Variants in RAB11FIP3 observed in about 807,000 individuals in gnomAD.
RAB11FIP3 encodes rab11 family-interacting protein 3.
Under a neutral mutation model 77.8 loss-of-function variants are expected in RAB11FIP3, and 17 were observed. The ratio of observed to expected loss-of-function variants is 0.22; its 90% CI spans 0.15 to 0.33. RAB11FIP3 has a LOEUF of 0.33. RAB11FIP3 is among the 10% of genes least tolerant of loss of function. RAB11FIP3 has a pLI of 1.00. For synonymous variants in RAB11FIP3, 437 were observed against 448.2 expected, an observed-to-expected ratio of 0.98 and a Z score of 0.31; for missense variants, 1,005 against 1,011.2, an observed-to-expected ratio of 0.99 and a Z score of 0.08.
At position 482,742 on chromosome 16, in the gene RAB11FIP3, T is replaced by C; in HGVS notation, c.1115+6T>C. 6.3e-7 allele frequency: 1 copy of C among 1,590,170 alleles called. No individual in the cohort carries two copies. The highest frequency in any genetic ancestry group is 1.8e-5 in the Admixed American group (1 of 56,998). On this transcript the variant is annotated splice_donor_region_variant and intron_variant, in intron 4 of 13. Transcript: ENST00000262305. ...CTGCTGCTGCTCCCAGGCAGGTCTG[T>C]ACCCCGCCACGGGCCTCCTGGAGAG...
At chr16:480,013 A>T (rs939656413) in intron 3 of RAB11FIP3, among the ~76,000 whole-genome samples, 1 of 152,044 alleles carries the variant, frequency 6.6e-6, no homozygotes, top group African/African-American at 2.4e-5. Context: ...TCAGCCAGGC[A>T]CGGTGGCTCA....
intron 7 of RAB11FIP3, among the ~76,000 whole-genome samples, chr16:504,166 C>G (rs1246786696): frequency 2.6e-5 from 2 of 78,064 alleles, no homozygotes; most frequent in African/African-American, 1.4e-4. Flanking sequence ...CTCTTGCACT[C>G]CCATCTCCTC....
chr16:502,204 A>G (rs953249672), intron 6 of RAB11FIP3, among the ~76,000 whole-genome samples: 1 of 152,238 alleles, frequency 6.6e-6, no homozygotes, highest in Non-Finnish European at 1.5e-5. Context: ...GTACAGATTC[A>G]CCACAGCGAA....
chr16:444,516 C>T (rs1268126359), intron 1 of RAB11FIP3, among the ~76,000 whole-genome samples: 2 of 152,230 alleles, frequency 1.3e-5, no homozygotes, highest in Non-Finnish European at 2.9e-5. Context: ...GTCTCAGGCT[C>T]CTAATTTTAG....
At chr16:482,863 C>A in intron 4 of RAB11FIP3, 127 bp downstream of exon 4, 1 of 1,042,088 alleles carries the variant, frequency 9.6e-7, no homozygotes, top group Non-Finnish European at 1.4e-6. Context: ...GGGGGTGGGG[C>A]TTGGCCCTGC....
intron 1 of RAB11FIP3, among the ~76,000 whole-genome samples, chr16:433,436 C>T (rs1420037182): frequency 6.6e-6 from 1 of 151,750 alleles, no homozygotes; most frequent in African/African-American, 2.4e-5. Flanking sequence ...CTAGCTCCCA[C>T]ATAAGAGTAA....
At chr16:463,444 T>G (rs1331577155) in intron 2 of RAB11FIP3, among the ~76,000 whole-genome samples, 2 of 148,180 alleles carry the variant, frequency 1.3e-5, no homozygotes, top group Non-Finnish European at 3.0e-5. Context: ...TTTTTTTTTT[T>G]TTTTTTTTTT....
At chr16:488,486 G>A (rs2056206781) in intron 4 of RAB11FIP3, among the ~76,000 whole-genome samples, 1 of 151,926 alleles carries the variant, frequency 6.6e-6, no homozygotes, top group Non-Finnish European at 1.5e-5. Flanking sequence ...ACTGCTCACT[G>A]CAGCCTTGGC....
Position 518,956 on chromosome 16 carries a change from G to A in RAB11FIP3, c.1654G>A (p.Asp552Asn), listed in dbSNP as rs771611236. 1.9e-6 allele frequency: 3 copies of A among 1,613,728 alleles called. No individual in the cohort carries two copies. The Admixed American group carries it at 5.0e-5, about 27-fold the overall frequency. ...CTTGTGTCCCAGGCTACAGCAACTG[G>A]ACGAGGAGAACAGTGAACTCCGGTC... is the stretch of plus-strand genomic sequence containing the variant. ...ENLQTRLQQL[D>N]EENSELRSCT... Residue 552 changes from aspartate to asparagine, a missense_variant, in exon 10 of 14, where the codon GAC becomes AAC. Around this residue, in one of 4 missense-constraint regions of RAB11FIP3, gnomAD observed 433 missense variants for 436.1 expected, o/e 0.99. Transcript: ENST00000262305.
At chr16:511,661 A>C (rs1453632545) in intron 9 of RAB11FIP3, among the ~76,000 whole-genome samples, 60 of 58,326 alleles carry the variant, frequency 1.0e-3, no homozygotes, top group East Asian at 1.8e-3. Context: ...CACCCCAGAA[A>C]CTGCAGGCCA....
chr16:485,439 G>A (rs1222743986), intron 4 of RAB11FIP3, among the ~76,000 whole-genome samples: 1 of 152,150 alleles, frequency 6.6e-6, no homozygotes, highest in Admixed American at 6.5e-5. Flanking sequence ...TCAAGATGGA[G>A]TCTAGCTCTG....
intron 4 of RAB11FIP3, among the ~76,000 whole-genome samples, chr16:487,255 C>T (rs149288708): frequency 2.7e-4 from 41 of 152,150 alleles, no homozygotes; most frequent in Non-Finnish European, 8.8e-5. Flanking sequence ...CTCAGCCTCC[C>T]GAGTAGCTGG....
intron 5 of RAB11FIP3, chr16:491,103 C>G (rs1012331609): frequency 1.1e-5 from 14 of 1,280,140 alleles, no homozygotes; most frequent in African/African-American, 1.5e-5. Flanking sequence ...GGTCCTCATC[C>G]TCTCCTGAAC....
chr16:450,894 C>G (rs919980621), intron 1 of RAB11FIP3, among the ~76,000 whole-genome samples: 1 of 137,462 alleles, frequency 7.3e-6, no homozygotes, highest in Non-Finnish European at 1.6e-5. Context: ...GCCTGGGGCA[C>G]ACACCTGCTT....
Position 505,738 on chromosome 16 carries a change from A to C in RAB11FIP3, c.1499+111A>C. ...ACAGCAGGGGCTTGGCCACCCGTCC[A>C]TCCCCGTTGGAAGCCGGCTGAGGGG... On this transcript the variant is annotated intron_variant, in intron 8 of 13. Transcript: ENST00000262305. This position sits in a 1 kb window ranked among gnomAD's most constrained non-coding sequence, Gnocchi z 4.0. 1.0e-6 allele frequency: 1 copy of C among 956,578 alleles called. No individual in the cohort carries two copies. Among genetic ancestry groups the C allele is most frequent in the Non-Finnish European group, 1.5e-6 (1 of 655,830 alleles). The allele number at this position is 956,578 out of a possible 1,614,324, so 59.3% of individuals were successfully genotyped here.
At chr16:519,083 G>C (rs1277199328) in intron 10 of RAB11FIP3, 59 bp downstream of exon 10, 1 of 1,543,240 alleles carries the variant, frequency 6.5e-7, no homozygotes, top group Non-Finnish European at 8.9e-7. Flanking sequence ...CCTGCCTGTG[G>C]GGCAGCTGAG....
chr16:428,193 T>C (rs958656940), intron 1 of RAB11FIP3, among the ~76,000 whole-genome samples: 15 of 151,908 alleles, frequency 9.9e-5, no homozygotes, highest in African/African-American at 3.6e-4. Flanking sequence ...TGCAGACAGG[T>C]GCGTGCGGGG....
Position 432,602 on chromosome 16 carries a change from TTG to T in RAB11FIP3, c.714+5899_714+5900del, listed in dbSNP as rs1269521944. The stretch of plus-strand genomic sequence containing the variant: ...TTTTGACCTGGTTTTTTTTTTTTTT[TTG>T]TGTGTGTGTGTGTGTGACAGGGTCT... On this transcript the variant is annotated intron_variant, in intron 1 of 13. Coordinates refer to ENST00000262305, the MANE Select transcript of RAB11FIP3 (RefSeq NM_014700.4). 2.6e-3 allele frequency among the ~76,000 whole-genome samples: 368 copies of T among 143,892 alleles called. 35 individuals carry two copies. The highest frequency in any genetic ancestry group is 0.011 in the Middle Eastern group (3 of 280). 94.4% of individuals were successfully genotyped at this position (143,892 alleles called of 152,430 possible).
rs1450522323 is a variant in RAB11FIP3 at position 426,499 on chromosome 16, C to A, written c.493C>A (p.Pro165Thr). 2 of 1,579,494 alleles carry A rather than the reference C, an allele frequency of 1.3e-6. No individual in the cohort carries two copies. The highest frequency in any genetic ancestry group is 4.6e-5 in the East Asian group (2 of 43,346). ...RGEVDVFSPF[P>T]APTAGELALE... ...CGAGGTCGACGTCTTCTCTCCCTTC[C>A]CCGCGCCCACGGCGGGCGAGCTGGC... Residue 165 changes from proline to threonine, a missense_variant, in exon 1 of 14, where the codon CCC (proline) becomes ACC (threonine). Physicochemically the swap from Pro to Thr is conservative, Grantham distance 38. Around this residue, in one of 4 missense-constraint regions of RAB11FIP3, gnomAD observed 466 missense variants for 408.3 expected, o/e 1.14. Transcript: ENST00000262305. The surrounding 1 kb of genome is among the most constrained non-coding windows in gnomAD (Gnocchi z 5.0).
Sources: gnomAD v4.1 joint callset for allele counts (sites outside exome capture counted in the v4.1 genomes callset) on GRCh38, gnomAD v4.1.1 for gene constraint, gnomAD v4.1.1 regional missense constraint, Gnocchi (gnomAD v3.1) non-coding constraint, MANE v1.5 for transcripts, NCBI Gene and HGNC (gene_info 2026-07-23, HGNC 2026-07-21) for gene names.